Variants in PDE4B observed in about 807,000 individuals in gnomAD.
PDE4B encodes 3',5'-cyclic-AMP phosphodiesterase 4B.
A neutral mutation model predicts 82.2 loss-of-function variants in PDE4B; 20 were observed. The observed-to-expected ratio is 0.24, with a 90% CI of 0.17 to 0.35. The LOEUF is 0.35. Ranked by LOEUF, PDE4B falls within the 10% of genes least tolerant of loss-of-function variation. The probability of loss-of-function intolerance (pLI) is 1.00; values close to 1 mark genes in which losing one functional copy is unlikely to be tolerated. For missense variants in PDE4B, 655 were observed against 907.2 expected (o/e 0.72, Z 3.57); for synonymous variants, 320 against 318.9 (o/e 1.00, Z -0.04).
chr1:65,848,167 T>C (rs1646288063), intron 1 of PDE4B, among the ~76,000 whole-genome samples: 1 of 151,212 alleles, frequency 6.6e-6, no homozygotes, highest in African/African-American at 2.4e-5. Context: ...TGAGACGGAG[T>C]CTTGCTCTGT....
chr1:66,122,122 G>T (rs115819486), intron 3 of PDE4B, among the ~76,000 whole-genome samples: 9,468 of 152,208 alleles, frequency 0.062, 435 homozygotes, highest in South Asian at 0.18. Flanking sequence ...CTAGGCTACT[G>T]ACTGATTGTA....
At chr1:65,969,444 G>T (rs1433266556) in intron 3 of PDE4B, among the ~76,000 whole-genome samples, 1 of 152,150 alleles carries the variant, frequency 6.6e-6, no homozygotes, top group Non-Finnish European at 1.5e-5. Context: ...GATGAATAAT[G>T]CTAATTACTA....
chr1:65,945,470 G>A (rs956085326), intron 3 of PDE4B, among the ~76,000 whole-genome samples: 6 of 151,896 alleles, frequency 4.0e-5, no homozygotes, highest in African/African-American at 1.4e-4. Context: ...CGTTAATTCC[G>A]GCTACAGTAA....
intron 3 of PDE4B, among the ~76,000 whole-genome samples, chr1:66,063,462 C>G (rs756132325): frequency 1.3e-5 from 2 of 151,960 alleles, no homozygotes; most frequent in Non-Finnish European, 2.9e-5. Flanking sequence ...AAACACTAGT[C>G]TTTTCTAATG....
chr1:66,201,693 C>G (rs1648971311), intron 3 of PDE4B, among the ~76,000 whole-genome samples: 1 of 119,062 alleles, frequency 8.4e-6, no homozygotes, highest in Non-Finnish European at 1.8e-5. Context: ...GTGGTGATAT[C>G]CCCTTTGTCA....
chr1:66,282,862 C>G (rs906548840), intron 7 of PDE4B, among the ~76,000 whole-genome samples: 1 of 152,064 alleles, frequency 6.6e-6, no homozygotes, highest in Non-Finnish European at 1.5e-5. Context: ...AGGAAACAGC[C>G]CCTCAGTAAG....
chr1:66,057,671 G>T (rs1655373253), intron 3 of PDE4B, among the ~76,000 whole-genome samples: 1 of 152,148 alleles, frequency 6.6e-6, no homozygotes, highest in Non-Finnish European at 1.5e-5. Context: ...GAGACCTTGT[G>T]CAGGGAAACT....
chr1:66,063,768 C>T (rs111419423), intron 3 of PDE4B, among the ~76,000 whole-genome samples: 2,451 of 151,728 alleles, frequency 0.016, 75 homozygotes, highest in African/African-American at 0.056. Context: ...TTGATATGTT[C>T]GTTTCTTAAA....
At chr1:65,910,238 T>C (rs1647074562) in intron 1 of PDE4B, among the ~76,000 whole-genome samples, 1 of 152,138 alleles carries the variant, frequency 6.6e-6, no homozygotes, top group South Asian at 2.1e-4. Context: ...GCAGCAGAGG[T>C]TCCTGAAAAG....
chr1:65,862,478 A>C lies in PDE4B; in HGVS notation c.-70-50767A>C, dbSNP rs544842596. ...GTATTTTATTGAGGATTTTTGCATC[A>C]ATGTTCATCAGGGATATTGGCCTGA... On this transcript the variant is annotated intron_variant, in intron 1 of 16. Transcript: ENST00000341517. 2.0e-5 allele frequency among the ~76,000 whole-genome samples: 3 copies of C among 152,216 alleles called. No homozygotes were observed. The East Asian group carries it at 5.8e-4, about 29-fold the overall frequency.
In PDE4B at chr1:66,169,661, T is replaced by C. The variant is rs961232451; in HGVS notation, c.282-77799T>C. On this transcript the variant is annotated intron_variant, in intron 3 of 16. Coordinates refer to ENST00000341517, the MANE Select transcript of PDE4B (RefSeq NM_002600.4). ...AACCAGAGAAGGGGAGAGAATTGTA[T>C]TTGATTAATCAGATCACTGTGAACT... is the stretch of plus-strand genomic sequence containing the variant. Among the ~76,000 whole-genome samples, 7 of 152,272 alleles carry C rather than the reference T, an allele frequency of 4.6e-5. No individual in the cohort carries two copies. The South Asian group carries it at 6.2e-4, about 14-fold the overall frequency.
intron 3 of PDE4B, among the ~76,000 whole-genome samples, chr1:65,925,460 G>A (rs1232092238): frequency 1.3e-5 from 2 of 152,032 alleles, no homozygotes; most frequent in East Asian, 3.9e-4. Flanking sequence ...ACAAAACCAG[G>A]AACAAAATCA....
intron 3 of PDE4B, among the ~76,000 whole-genome samples, chr1:66,069,912 T>G (rs1376512652): frequency 6.6e-6 from 1 of 152,074 alleles, no homozygotes; most frequent in Non-Finnish European, 1.5e-5. Flanking sequence ...TCCTTTTTGA[T>G]TCTTTGTGTA....
intron 3 of PDE4B, among the ~76,000 whole-genome samples, chr1:65,924,317 G>A (rs1016669757): frequency 1.9e-4 from 28 of 150,136 alleles, no homozygotes; most frequent in South Asian, 1.7e-3. Flanking sequence ...CTCGTGATCC[G>A]CCCGCCTCGG....
intron 7 of PDE4B, among the ~76,000 whole-genome samples, chr1:66,298,468 T>A (rs759503284): frequency 1.3e-5 from 2 of 152,164 alleles, no homozygotes; most frequent in Non-Finnish European, 2.9e-5. Flanking sequence ...GTCTTTTACA[T>A]CTTTAAGTTG....
At chr1:65,836,584 C>G (rs979890331) in intron 1 of PDE4B, among the ~76,000 whole-genome samples, 2 of 152,206 alleles carry the variant, frequency 1.3e-5, no homozygotes, top group Non-Finnish European at 2.9e-5. Flanking sequence ...CTCACACATA[C>G]TAAGCTAAGC....
At chr1:66,303,266 C>T (rs1045839401) in intron 7 of PDE4B, among the ~76,000 whole-genome samples, 7 of 151,790 alleles carry the variant, frequency 4.6e-5, no homozygotes, top group African/African-American at 1.7e-4. Flanking sequence ...CCCCTACCCT[C>T]CTGCTTTATT....
chr1:65,931,603 C>T (rs12141678), intron 3 of PDE4B, among the ~76,000 whole-genome samples: 2,092 of 152,272 alleles, frequency 0.014, 24 homozygotes, highest in Non-Finnish European at 0.021. Flanking sequence ...AAGTGATACC[C>T]TCCTTCCCCC....
At chr1:66,297,002 G>T (rs573146203) in intron 7 of PDE4B, among the ~76,000 whole-genome samples, 6 of 152,276 alleles carry the variant, frequency 3.9e-5, no homozygotes, top group South Asian at 4.1e-4. Flanking sequence ...TCATTCCAAG[G>T]CTGTTTGATT....
Sources: allele counts gnomAD v4.1 joint callset (sites outside exome capture counted in the v4.1 genomes callset), GRCh38; gene constraint gnomAD v4.1.1; transcripts MANE v1.5; gene names NCBI Gene and HGNC (gene_info 2026-07-23, HGNC 2026-07-21).